The following NBEA variants were observed in gnomAD, a reference collection of about 807,000 sequenced individuals.
NBEA encodes lysosomal-trafficking regulator 2.
A neutral mutation model predicts 343.4 loss-of-function variants in NBEA; 44 were observed. The observed-to-expected ratio is 0.13, with a 90% CI of 0.10 to 0.16. The LOEUF is 0.16. Ranked by LOEUF, NBEA falls within the 10% of genes least tolerant of loss-of-function variation. The pLI is 1.00. For synonymous variants in NBEA, 1,175 were observed against 1,238.7 expected (o/e 0.95, Z 1.08); for missense variants, 2,555 against 3,631.3 (o/e 0.70, Z 7.62).
chr13:35,473,175 A>T (rs2075728631), intron 41 of NBEA, among the ~76,000 whole-genome samples: 1 of 152,194 alleles, frequency 6.6e-6, no homozygotes, highest in Non-Finnish European at 1.5e-5. Flanking sequence ...ATTAAATGTT[A>T]TTGTGTAGAT....
intron 38 of NBEA, among the ~76,000 whole-genome samples, chr13:35,419,070 T>G (rs2044121457): frequency 6.6e-6 from 1 of 152,020 alleles, no homozygotes; most frequent in Non-Finnish European, 1.5e-5. Flanking sequence ...TGAAACATGG[T>G]TTGTGTTAAG....
At chr13:35,099,603 C>T (rs988418381) in intron 11 of NBEA, among the ~76,000 whole-genome samples, 4 of 151,956 alleles carry the variant, frequency 2.6e-5, no homozygotes, top group South Asian at 2.1e-4. Context: ...TTTAATTATG[C>T]GGTCAAAATT....
At chr13:35,317,363 C>A (rs2152837749) in intron 36 of NBEA, among the ~76,000 whole-genome samples, 1 of 152,280 alleles carries the variant, frequency 6.6e-6, no homozygotes, top group East Asian at 1.9e-4. Flanking sequence ...AATGGGGAAT[C>A]CTTTCCCCAT....
chr13:35,665,321 G>GT (rs2085300194), intron 56 of NBEA, 135 bp downstream of exon 56: 1 of 646,452 alleles, frequency 1.5e-6, no homozygotes, highest in Non-Finnish European at 2.7e-6. Flanking sequence ...TAGATGTTTA[G>GT]TTTTATGATT....
chr13:35,136,487 A>G (rs1028955654), intron 17 of NBEA, among the ~76,000 whole-genome samples: 18 of 152,328 alleles, frequency 1.2e-4, no homozygotes, highest in East Asian at 3.9e-4. Context: ...TAAGTAATGT[A>G]TGGAAAAAGC....
chr13:35,191,526 G>A (rs2072195109), intron 30 of NBEA, among the ~76,000 whole-genome samples: 1 of 151,980 alleles, frequency 6.6e-6, no homozygotes. Context: ...ATTCATTGCA[G>A]TATTTTTGTT....
chr13:35,282,736 G>A (rs997844211), intron 34 of NBEA, among the ~76,000 whole-genome samples: 1 of 151,974 alleles, frequency 6.6e-6, no homozygotes, highest in Non-Finnish European at 1.5e-5. Flanking sequence ...AAAAATAATT[G>A]TTTTATATTA....
chr13:35,299,976 C>T (rs2036428134), intron 35 of NBEA, among the ~76,000 whole-genome samples: 1 of 152,130 alleles, frequency 6.6e-6, no homozygotes, highest in African/African-American at 2.4e-5. Flanking sequence ...CCATGTCCAC[C>T]TCTATCCCAT....
intron 38 of NBEA, among the ~76,000 whole-genome samples, chr13:35,403,780 C>T (rs1228012778): frequency 3.9e-5 from 6 of 152,010 alleles, no homozygotes; most frequent in Non-Finnish European, 8.8e-5. Flanking sequence ...TAAAGAGCTT[C>T]TGCACAGCAA....
Position 35,668,479 on chromosome 13 carries a change from G to A in NBEA, c.8773G>A (p.Asp2925Asn), listed in dbSNP as rs751849067. 1 of 1,612,618 alleles carries A rather than the reference G, an allele frequency of 6.2e-7. No homozygotes were observed. The change falls in exon 58 of 59, where the codon GAT (aspartate) becomes AAT (asparagine). Residue 2925 changes from aspartate (D) to asparagine (N), a missense_variant. Physicochemically the swap from Asp to Asn is conservative, Grantham distance 23. Coordinates refer to ENST00000379939, the MANE Select transcript of NBEA (RefSeq NM_001385012.1). The stretch of plus-strand genomic sequence containing the variant: ...GCAACTGTACATTTACCCTGGATGT[G>A]ATGCTGGCATTAGAGCAATGGACTT... ...FKQLYIYPGC[D>N]AGIRAMDLSH...
intron 31 of NBEA, among the ~76,000 whole-genome samples, chr13:35,201,127 T>C (rs1043902457): frequency 6.6e-5 from 10 of 152,044 alleles, no homozygotes; most frequent in Admixed American, 1.3e-4. Flanking sequence ...CTAGCCACTG[T>C]AATTTCTGCT....
intron 34 of NBEA, among the ~76,000 whole-genome samples, chr13:35,234,665 C>G (rs1293016516): frequency 6.6e-6 from 1 of 152,136 alleles, no homozygotes; most frequent in African/African-American, 2.4e-5. Context: ...CTCCTGCTGC[C>G]ATAAAGCCAC....
intron 10 of NBEA, among the ~76,000 whole-genome samples, chr13:35,091,337 T>C (rs2065072286): frequency 6.6e-6 from 1 of 151,990 alleles, no homozygotes; most frequent in South Asian, 2.1e-4. Flanking sequence ...ATATCAGGGA[T>C]GTCATGGAAA....
intron 33 of NBEA, among the ~76,000 whole-genome samples, chr13:35,224,566 C>G (rs2074549955): frequency 6.6e-6 from 1 of 152,060 alleles, no homozygotes; most frequent in Non-Finnish European, 1.5e-5. Flanking sequence ...GAAGGCATAT[C>G]ATTTCTTTTA....
intron 21 of NBEA, among the ~76,000 whole-genome samples, 194 bp from the exon 22 acceptor site, chr13:35,158,822 A>G (rs2069362648): frequency 6.6e-6 from 1 of 152,152 alleles, no homozygotes; most frequent in South Asian, 2.1e-4. Flanking sequence ...TAAATCATAT[A>G]TAGCTGTATT....
intron 46 of NBEA, among the ~76,000 whole-genome samples, chr13:35,584,776 A>C (rs529102314): frequency 5.5e-4 from 83 of 152,176 alleles, no homozygotes; most frequent in African/African-American, 1.9e-3. Flanking sequence ...CTGGGATTAC[A>C]GGCGTGAGCC....
At chr13:35,520,942 A>C (rs1431238239) in intron 41 of NBEA, among the ~76,000 whole-genome samples, 1 of 151,940 alleles carries the variant, frequency 6.6e-6, no homozygotes, top group East Asian at 1.9e-4. Context: ...TGAGGAAAAA[A>C]TCTTTTATTC....
chr13:34,996,762 T>A (rs2060955965), intron 1 of NBEA, among the ~76,000 whole-genome samples: 2 of 152,116 alleles, frequency 1.3e-5, no homozygotes, highest in Non-Finnish European at 2.9e-5. Context: ...CTATTAAATG[T>A]GTGTGTGCGT....
chr13:35,089,366 T>C (rs1173125582), intron 10 of NBEA, among the ~76,000 whole-genome samples: 1 of 150,702 alleles, frequency 6.6e-6, no homozygotes, highest in African/African-American at 2.5e-5. Flanking sequence ...TGAGATACCA[T>C]CTCACACCAG....
Sources: allele counts gnomAD v4.1 joint callset (sites outside exome capture counted in the v4.1 genomes callset), GRCh38; gene constraint gnomAD v4.1.1; transcripts MANE v1.5; gene names NCBI Gene and HGNC (gene_info 2026-07-23, HGNC 2026-07-21).